Variants in PLEKHA7 observed in about 807,000 individuals in gnomAD.
PLEKHA7 encodes the protein pleckstrin homology domain-containing family A member 7.
PLEKHA7 carries 104 observed loss-of-function variants against 170.0 expected under a neutral mutation model. That is an observed-to-expected ratio of 0.61 (90% CI 0.52 to 0.72). The LOEUF is 0.72. PLEKHA7 is among the 30% of genes least tolerant of loss of function. The probability of loss-of-function intolerance (pLI) is 0.00; values close to 1 mark genes in which losing one functional copy is unlikely to be tolerated. For missense variants in PLEKHA7, 1,615 were observed against 1,671.7 expected (o/e 0.97, Z 0.59); for synonymous variants, 648 against 660.8 (o/e 0.98, Z 0.30).
Position 16,791,894 on chromosome 11 carries a change from A to G in PLEKHA7, c.2746-695T>C, listed in dbSNP as rs79027932. ...TCTGTGAGGGCTGTGGTTCCTCTACATATCAACAGACCGGCCCCTGGTTGC... is the reference window on the plus strand; with the variant it reads ...TCTGTGAGGGCTGTGGTTCCTCTACGTATCAACAGACCGGCCCCTGGTTGC... On this transcript the variant is annotated intron_variant, in intron 19 of 26. Transcript: ENST00000531066. This position sits in a 1 kb window ranked among gnomAD's most constrained non-coding sequence, Gnocchi z 4.5. 0.011 allele frequency among the ~76,000 whole-genome samples: 1,727 copies of G among 152,278 alleles called. 25 individuals are homozygous for G. The highest frequency in any genetic ancestry group is 0.074 in the East Asian group (385 of 5,182).
intron 4 of PLEKHA7, among the ~76,000 whole-genome samples, chr11:16,870,300 C>G (rs1221116684): frequency 1.3e-5 from 2 of 152,074 alleles, no homozygotes; most frequent in African/African-American, 4.8e-5. Context: ...TACCCCCACC[C>G]CCACACACAC....
chr11:16,943,729 C>G (rs1860839922), intron 3 of PLEKHA7, among the ~76,000 whole-genome samples: 2 of 152,144 alleles, frequency 1.3e-5, no homozygotes, highest in South Asian at 4.1e-4. Context: ...ATCATTTCAT[C>G]AGACACTCAC....
At chr11:16,908,427 T>G (rs1858010781) in intron 3 of PLEKHA7, among the ~76,000 whole-genome samples, 1 of 151,808 alleles carries the variant, frequency 6.6e-6, no homozygotes, top group Non-Finnish European at 1.5e-5. Flanking sequence ...GAGAGAAGTC[T>G]CAGAAGGAAC....
At chr11:16,909,294 T>C (rs1189990367) in intron 3 of PLEKHA7, among the ~76,000 whole-genome samples, 3 of 152,202 alleles carry the variant, frequency 2.0e-5, no homozygotes, top group African/African-American at 7.2e-5. Context: ...AGTTTCTCAG[T>C]CTTTCTATGT....
At chr11:16,855,648 C>T (rs2135465862) in intron 5 of PLEKHA7, 155 bp downstream of exon 5, 2 of 640,354 alleles carry the variant, frequency 3.1e-6, no homozygotes, top group South Asian at 3.8e-5. Flanking sequence ...ACATATCCCT[C>T]TTGGCCTCAG....
intron 10 of PLEKHA7, among the ~76,000 whole-genome samples, chr11:16,819,608 A>G (rs895101726): frequency 1.7e-4 from 26 of 152,210 alleles, no homozygotes; most frequent in Admixed American, 1.7e-3. Flanking sequence ...CCAAGCCAAC[A>G]CTACTCAAAG....
At chr11:16,793,879 A>G (rs1848026630) in intron 19 of PLEKHA7, among the ~76,000 whole-genome samples, 1 of 152,262 alleles carries the variant, frequency 6.6e-6, no homozygotes, top group South Asian at 2.1e-4. Context: ...ATAAAAGAGA[A>G]GGGCCAGGAG....
chr11:17,013,259 T>G (rs1865425913), intron 3 of PLEKHA7: 1 of 152,318 alleles, frequency 6.6e-6, no homozygotes, highest in East Asian at 1.9e-4. Context: ...CAATCTGACA[T>G]GGACTGATCC....
chr11:17,006,565 T>C (rs2137089120), intron 3 of PLEKHA7, among the ~76,000 whole-genome samples: 1 of 145,558 alleles, frequency 6.9e-6, no homozygotes, highest in South Asian at 2.2e-4. Flanking sequence ...GAAGCAGAGG[T>C]GCAGTGAGCC....
chr11:16,779,858 G>A (rs1234830890), intron 26 of PLEKHA7, among the ~76,000 whole-genome samples: 2 of 152,156 alleles, frequency 1.3e-5, no homozygotes, highest in East Asian at 1.9e-4. Context: ...GAGTGGTGAT[G>A]GGGAACAAAG....
chr11:16,833,407 C>T (rs1446373060), intron 9 of PLEKHA7, among the ~76,000 whole-genome samples: 1 of 152,228 alleles, frequency 6.6e-6, no homozygotes, highest in Non-Finnish European at 1.5e-5. Flanking sequence ...TGCCAGCCCT[C>T]CTCACTTTAT....
rs143790846 is a variant in PLEKHA7 at position 16,984,405 on chromosome 11, C to T, written c.221+29584G>A. 1.5e-3 allele frequency among the ~76,000 whole-genome samples: 225 copies of T among 152,196 alleles called. 1 individual carries two copies. Among genetic ancestry groups the T allele is most frequent in the African/African-American group, 5.1e-3 (212 of 41,532 alleles). On this transcript the variant is annotated intron_variant, in intron 3 of 26. Transcript: ENST00000531066. Reference sequence around the variant, plus strand: ...TTCAAAGCCTTCCATTGTTCAAAGCCGTCCAGTGAATTCTCTGCTGACTCA... The same window carrying T: ...TTCAAAGCCTTCCATTGTTCAAAGCTGTCCAGTGAATTCTCTGCTGACTCA...
At position 16,789,184 on chromosome 11, in the gene PLEKHA7, T is replaced by C; in HGVS notation, c.3269A>G (p.Glu1090Gly). 1 of 1,613,000 alleles carries C rather than the reference T, an allele frequency of 6.2e-7. No individual in the cohort carries two copies. Among genetic ancestry groups the C allele is most frequent in the Non-Finnish European group, 8.5e-7 (1 of 1,180,018 alleles). Residue 1090 changes from glutamate to glycine, a missense_variant, in exon 23 of 27, where the codon GAG becomes GGG. Coordinates refer to ENST00000531066, the MANE Select transcript of PLEKHA7 (RefSeq NM_001329630.2). The surrounding 1 kb of genome is among the most constrained non-coding windows in gnomAD (Gnocchi z 4.6). ...MKRHQKALVR[E>G]RKRTLGQGER... ...CCCTTGGCCCAGTGTCCTCTTGCGC[T>C]CTCGGACCAGGGCCTTCTGGTGTCG...
At chr11:16,800,397 G>A (rs1216280385) in intron 17 of PLEKHA7, among the ~76,000 whole-genome samples, 2 of 152,172 alleles carry the variant, frequency 1.3e-5, no homozygotes, top group African/African-American at 2.4e-5. Flanking sequence ...TTTTTTAAGG[G>A]TGAAGTGGCA....
At chr11:16,989,869 T>G (rs2136939737) in intron 3 of PLEKHA7, among the ~76,000 whole-genome samples, 1 of 152,094 alleles carries the variant, frequency 6.6e-6, no homozygotes. Flanking sequence ...ATGGGCTGAG[T>G]AGCAAGAAGC....
At chr11:16,895,933 C>T (rs545107648) in intron 3 of PLEKHA7, among the ~76,000 whole-genome samples, 4 of 152,286 alleles carry the variant, frequency 2.6e-5, no homozygotes, top group Admixed American at 2.0e-4. Context: ...TCTTGACAAG[C>T]GTCAGTCTCT....
rs1851965112 is a variant in PLEKHA7, at chr11:16,841,600, C to A, written c.819G>T (p.Trp273Cys). The A allele has an allele frequency of 6.2e-7, 1 of 1,613,882 alleles. No homozygotes were observed. Among genetic ancestry groups the A allele is most frequent in the Non-Finnish European group, 8.5e-7 (1 of 1,180,036 alleles). The change falls in exon 9 of 27, where the codon TGG becomes TGT. Residue 273 changes from tryptophan to cysteine, a missense_variant. Transcript: ENST00000531066. ...GTGCAGCCTGGTTCATGGCCCTGACCCAAGCGTTCATGTCCTCCTGGGTGT... is the reference window on the plus strand; with the variant it reads ...GTGCAGCCTGGTTCATGGCCCTGACACAAGCGTTCATGTCCTCCTGGGTGT... ...SADTQEDMNA[W>C]VRAMNQAAQV...
chr11:16,848,461 T>A (rs1852647289), intron 8 of PLEKHA7, among the ~76,000 whole-genome samples: 1 of 152,228 alleles, frequency 6.6e-6, no homozygotes, highest in Non-Finnish European at 1.5e-5. Flanking sequence ...TTCCAGAATG[T>A]TAAGCATGCA....
rs558342658 is a variant in PLEKHA7, at chr11:16,844,670, T to TA, written c.697-2949dup. Among the ~76,000 whole-genome samples the TA allele has an allele frequency of 3.7e-4, 57 of 152,322 alleles. No homozygotes were observed. The East Asian group carries it at 0.011, about 29-fold the overall frequency. On this transcript the variant is annotated intron_variant, in intron 8 of 26. Transcript: ENST00000531066. ...GAAATCAGGATGTGAATGAAGAACT[T>TA]ACCTCAAAGACATGATGCCCCTAGG...
Sources: allele counts gnomAD v4.1 joint callset (sites outside exome capture counted in the v4.1 genomes callset), GRCh38; gene constraint gnomAD v4.1.1; non-coding constraint Gnocchi (gnomAD v3.1); transcripts MANE v1.5; gene names NCBI Gene and HGNC (gene_info 2026-07-23, HGNC 2026-07-21).